Variants in UGT2B7 observed in about 807,000 individuals in gnomAD.
UGT2B7 encodes the protein UDP glucuronosyltransferase family 2 member B7.
A neutral mutation model predicts 51.9 loss-of-function variants in UGT2B7; 51 were observed. That is an observed-to-expected ratio of 0.98 (90% CI 0.78 to 1.24). The LOEUF (loss-of-function observed/expected upper bound fraction) is 1.24, where lower values mean the gene tolerates loss of function less well. UGT2B7 is among the 50% of genes most tolerant of loss of function. The pLI, the probability that UGT2B7 is intolerant of heterozygous loss-of-function variation, is 0.00. For synonymous variants in UGT2B7, 225 were observed against 211.6 expected (o/e 1.06, Z -0.55); for missense variants, 727 against 628.4 (o/e 1.16, Z -1.68).
intron 1 of UGT2B7, among the ~76,000 whole-genome samples, chr4:69,083,500 C>T (rs746088641): frequency 2.2e-4 from 33 of 152,004 alleles, no homozygotes; most frequent in Non-Finnish European, 4.6e-4. Context: ...TTCCAATCCT[C>T]ATGGATGACT....
intron 1 of UGT2B7, among the ~76,000 whole-genome samples, chr4:69,084,822 A>AT (rs1369173291): frequency 6.6e-6 from 1 of 152,160 alleles, no homozygotes; most frequent in African/African-American, 2.4e-5. Context: ...AATGCATAGT[A>AT]TTTCATGGTA....
upstream of UGT2B7, among the ~76,000 whole-genome samples, chr4:69,092,606 A>G (rs1719109149): frequency 1.3e-5 from 2 of 152,002 alleles, no homozygotes; most frequent in Admixed American, 1.3e-4. Context: ...AGTAAAATAT[A>G]AAACATAAAA....
At chr4:69,051,561 C>G (rs1360298704) in exon 1 of UGT2B7, 1 of 152,446 alleles carries the variant, frequency 6.6e-6, no homozygotes, top group East Asian at 1.9e-4. Flanking sequence ...GGCTGAACAC[C>G]AGGAAGGAAC....
At position 69,112,616 on chromosome 4, in the gene UGT2B7, T is replaced by C. The variant is rs1577930218; in HGVS notation, c.1470T>C (p.Ser490=). 1 of 1,613,954 alleles carries C rather than the reference T, an allele frequency of 6.2e-7. No homozygotes were observed. The highest frequency in any genetic ancestry group is 8.5e-7 in the Non-Finnish European group (1 of 1,179,872). The change falls in exon 6 of 6, where the codon TCT becomes TCC. Residue 490 remains serine, a synonymous_variant. Transcript: ENST00000305231. Reference sequence around the variant, plus strand: ...ACCTCACCTGGTTCCAGTACCACTCTTTGGATGTGATTGGGTTCCTGCTGG... The same window carrying C: ...ACCTCACCTGGTTCCAGTACCACTCCTTGGATGTGATTGGGTTCCTGCTGG... The part of the protein sequence containing the change: ...AHDLTWFQYH[S]LDVIGFLLVC...
chr4:69,082,280 A>G lies in UGT2B7; in HGVS notation c.-158-7192A>G, dbSNP rs182119137. On this transcript the variant is annotated intron_variant, in intron 1 of 5. Coordinates refer to the UGT2B7 transcript ENST00000502942. Reference sequence around the variant, plus strand: ...GTCCCTAAGTAGAAGGGAGAGTACCACATCTTTCACTTTAAATCAAAAGCT... The same window carrying G: ...GTCCCTAAGTAGAAGGGAGAGTACCGCATCTTTCACTTTAAATCAAAAGCT... Among the ~76,000 whole-genome samples, 619 of 152,110 alleles carry G rather than the reference A, an allele frequency of 4.1e-3. 6 individuals are homozygous for G. The highest frequency in any genetic ancestry group is 0.017 in the Middle Eastern group (5 of 294).
intron 2 of UGT2B7, among the ~76,000 whole-genome samples, chr4:69,099,538 C>T (rs1719360692): frequency 6.6e-6 from 1 of 151,954 alleles, no homozygotes; most frequent in Admixed American, 6.6e-5. Context: ...GCCAACCATT[C>T]AGGAAATTTT....
intron 1 of UGT2B7, among the ~76,000 whole-genome samples, 171 bp downstream of exon 1, chr4:69,097,412 T>C (rs762236386): frequency 6.6e-6 from 1 of 152,072 alleles, no homozygotes; most frequent in Non-Finnish European, 1.5e-5. Context: ...AAGCTTAAAT[T>C]ACAGGGTCAG....
chr4:69,063,520 C>T (rs916169929), intron 1 of UGT2B7, among the ~76,000 whole-genome samples: 2 of 152,126 alleles, frequency 1.3e-5, no homozygotes, highest in South Asian at 4.1e-4. Context: ...CAGCAAGCCA[C>T]AGAAATAAGG....
chr4:69,098,206 G>C (rs1488963266), intron 1 of UGT2B7, among the ~76,000 whole-genome samples: 1 of 151,894 alleles, frequency 6.6e-6, no homozygotes, highest in Non-Finnish European at 1.5e-5. Context: ...ATGTCCGTAT[G>C]CTACTATTGA....
chr4:69,091,392 G>T (rs974609068), intron 2 of UGT2B7, among the ~76,000 whole-genome samples: 6 of 146,266 alleles, frequency 4.1e-5, no homozygotes, highest in African/African-American at 1.5e-4. Context: ...AAACTTTAAA[G>T]ATTTTGTTTT....
At chr4:69,065,153 T>C (rs1560500063) in intron 1 of UGT2B7, among the ~76,000 whole-genome samples, 1 of 152,150 alleles carries the variant, frequency 6.6e-6, no homozygotes, top group Non-Finnish European at 1.5e-5. Context: ...AATCTGGGGC[T>C]CTTTACTTAC....
At chr4:69,093,598 A>G (rs1719138436), upstream of UGT2B7, among the ~76,000 whole-genome samples, 1 of 152,208 alleles carries the variant, frequency 6.6e-6, no homozygotes, top group South Asian at 2.1e-4. Context: ...TCACGTCTCT[A>G]CACGTGCCTG....
chr4:69,085,611 T>A (rs1437961165), intron 1 of UGT2B7, among the ~76,000 whole-genome samples: 1 of 152,112 alleles, frequency 6.6e-6, no homozygotes, highest in Non-Finnish European at 1.5e-5. Context: ...CACATATAAG[T>A]CTTTAATCCA....
At chr4:69,060,302 G>A (rs1193651439) in intron 1 of UGT2B7, among the ~76,000 whole-genome samples, 1 of 152,212 alleles carries the variant, frequency 6.6e-6, no homozygotes, top group Admixed American at 6.5e-5. Flanking sequence ...GTAGTGAACA[G>A]AAGCAGACCA....
chr4:69,107,393 C>A (rs1240899713), intron 4 of UGT2B7, 131 bp downstream of exon 4: 2 of 1,099,944 alleles, frequency 1.8e-6, no homozygotes, highest in Non-Finnish European at 2.5e-6. Context: ...TATTGATTTT[C>A]CAGTCTTAAG....
At chr4:69,051,762 G>A (rs540826426) in intron 1 of UGT2B7, among the ~76,000 whole-genome samples, 82 of 152,324 alleles carry the variant, frequency 5.4e-4, no homozygotes, top group African/African-American at 1.9e-3. Context: ...AAGTGGAAGC[G>A]TGGCCTGATC....
In UGT2B7 at chr4:69,056,958, C is replaced by T. The variant is rs527466336; in HGVS notation, c.-159+5356C>T. 5.3e-5 allele frequency among the ~76,000 whole-genome samples: 8 copies of T among 152,256 alleles called. No individual in the cohort carries two copies. In the South Asian group the frequency reaches 1.7e-3, roughly 32 times the overall value. On this transcript the variant is annotated intron_variant, in intron 1 of 5. Transcript: ENST00000502942. Reference sequence around the variant, plus strand: ...ATAAGTGAAATCAAAGACAGGCAGCCCAGCACCATGCCCAAAACCAGCCCT... The same window carrying T: ...ATAAGTGAAATCAAAGACAGGCAGCTCAGCACCATGCCCAAAACCAGCCCT...
At position 69,096,718 on chromosome 4, in the gene UGT2B7, C is replaced by T; in HGVS notation, c.198C>T (p.Pro66=). The change falls in exon 1 of 6, where the codon CCC becomes CCT. Residue 66 remains proline (P), a synonymous_variant. Coordinates refer to ENST00000305231, the MANE Select transcript of UGT2B7 (RefSeq NM_001074.4). ...LASSASILFD[P]NNSSALKIEI... is the part of the protein sequence containing the mutation. ...CTTCAGCTTCCATTCTTTTTGATCC[C>T]AACAACTCATCCGCTCTTAAAATTG... 3 of 1,613,978 alleles carry T rather than the reference C, an allele frequency of 1.9e-6. No homozygotes were observed. The highest frequency in any genetic ancestry group is 2.5e-6 in the Non-Finnish European group (3 of 1,179,922).
rs1295265690 is a variant in UGT2B7, at chr4:69,112,664, T to C, written c.1518T>C (p.Phe506=). The change falls in exon 6 of 6, where the codon TTT becomes TTC. Residue 506 remains phenylalanine (F), a synonymous_variant. Coordinates refer to ENST00000305231, the MANE Select transcript of UGT2B7 (RefSeq NM_001074.4). ...TGGTCTGTGTGGCAACTGTGATATTTATCGTCACAAAATGTTGTCTGTTTT... is the reference window on the plus strand; with the variant it reads ...TGGTCTGTGTGGCAACTGTGATATTCATCGTCACAAAATGTTGTCTGTTTT... ...FLLVCVATVI[F]IVTKCCLFCF... is the part of the protein sequence containing the mutation. 1 of 1,613,820 alleles carries C rather than the reference T, an allele frequency of 6.2e-7. No homozygotes were observed. The highest frequency in any genetic ancestry group is 2.2e-5 in the East Asian group (1 of 44,874).
Sources: gnomAD v4.1 joint callset for allele counts (sites outside exome capture counted in the v4.1 genomes callset) on GRCh38, gnomAD v4.1.1 for gene constraint, MANE v1.5 for transcripts, NCBI Gene and HGNC (gene_info 2026-07-23, HGNC 2026-07-21) for gene names.